Variants in LGR6 observed in about 807,000 individuals in gnomAD.
The protein encoded by LGR6 is leucine rich repeat containing G protein-coupled receptor 6, also known as leucine-rich repeat-containing G protein-coupled receptor 6.
Under a neutral mutation model 69.4 loss-of-function variants are expected in LGR6, and 45 were observed. The observed-to-expected ratio is 0.65, with a 90% CI of 0.51 to 0.83. The LOEUF is 0.83. LGR6 is among the 40% of genes least tolerant of loss of function. LGR6 has a pLI of 0.00. For missense variants in LGR6, 1,108 were observed against 1,246.7 expected (o/e 0.89, Z 1.68); for synonymous variants, 538 against 555.0 (o/e 0.97, Z 0.43).
intron 4 of LGR6, among the ~76,000 whole-genome samples, chr1:202,258,626 CTCTT>C (rs1663978148): frequency 2.0e-5 from 3 of 151,384 alleles, no homozygotes; most frequent in African/African-American, 7.3e-5. Context: ...TCATCATTGT[CTCTT>C]TTATTTATTG....
chr1:202,300,745 T>A (rs1667526540), intron 7 of LGR6, 104 bp from the exon 8 acceptor site: 1 of 700,820 alleles, frequency 1.4e-6, no homozygotes, highest in African/African-American at 1.8e-5. Flanking sequence ...TCTTTTGTCT[T>A]ATGGACTGTC....
In LGR6 at chr1:202,288,114, C is replaced by G. The variant is rs75198150; in HGVS notation, c.716+7262C>G. On this transcript the variant is annotated intron_variant, in intron 6 of 17. Transcript: ENST00000367278. ...CAATCTAGTCCAGGCACGATGGCCT[C>G]CTTGAATATACTACTTTTGTTCCTG... is the stretch of plus-strand genomic sequence containing the variant. Among the ~76,000 whole-genome samples the G allele has an allele frequency of 6.8e-3, 1,032 of 152,290 alleles. 10 individuals are homozygous for G. Among genetic ancestry groups the G allele is most frequent in the Non-Finnish European group, 8.8e-3 (598 of 68,026 alleles).
chr1:202,318,649 C>T lies in LGR6; in HGVS notation c.2346C>T (p.Asp782=), dbSNP rs764662006. The change falls in exon 18 of 18, where the codon GAC becomes GAT. Residue 782 remains aspartate, a synonymous_variant. Transcript: ENST00000367278. ...VRHVAWLIFA[D]GLLYCPVAFL... ...ACGTGGCCTGGCTCATCTTCGCAGA[C>T]GGGCTCCTCTACTGTCCCGTGGCCT... 8.7e-6 allele frequency: 14 copies of T among 1,613,666 alleles called. No homozygotes were observed. Among genetic ancestry groups the T allele is most frequent in the African/African-American group, 5.3e-5 (4 of 74,934 alleles).
chr1:202,237,826 G>A (rs773550002), intron 4 of LGR6, among the ~76,000 whole-genome samples: 1 of 152,182 alleles, frequency 6.6e-6, no homozygotes, highest in Non-Finnish European at 1.5e-5. Flanking sequence ...CTGTGTGACA[G>A]AAAATGTGGC....
Position 202,319,149 on chromosome 1 carries a change from G to C in LGR6, c.2846G>C (p.Gly949Ala), listed in dbSNP as rs2148332079. The C allele has an allele frequency of 6.2e-7, 1 of 1,613,924 alleles. No homozygotes were observed. Among genetic ancestry groups the C allele is most frequent in the Non-Finnish European group, 8.5e-7 (1 of 1,179,890 alleles). ...RAEGSTPAGG[G>A]LSGGGGFQPS... Reference sequence around the variant, plus strand: ...GAGGGATCTACGCCAGCAGGTGGAGGCTTGTCAGGGGGTGGCGGCTTTCAG... The same window carrying C: ...GAGGGATCTACGCCAGCAGGTGGAGCCTTGTCAGGGGGTGGCGGCTTTCAG... The change falls in exon 18 of 18, where the codon GGC becomes GCC. Residue 949 changes from glycine (G) to alanine (A), a missense_variant. Gly to Ala is a moderately conservative substitution (Grantham distance 60). Coordinates refer to ENST00000367278, the MANE Select transcript of LGR6 (RefSeq NM_001017403.2).
chr1:202,271,559 C>G (rs376773258), intron 4 of LGR6, among the ~76,000 whole-genome samples: 5 of 152,088 alleles, frequency 3.3e-5, no homozygotes, highest in African/African-American at 1.2e-4. Flanking sequence ...GTAATCCCAG[C>G]ACTTTGGGAG....
intron 7 of LGR6, among the ~76,000 whole-genome samples, chr1:202,299,745 A>C (rs1180082962): frequency 6.6e-6 from 1 of 152,162 alleles, no homozygotes; most frequent in East Asian, 1.9e-4. Flanking sequence ...TGAAGGTGGA[A>C]GTCACGATGG....
chr1:202,215,414 GGA>G (rs1659711455), intron 1 of LGR6, among the ~76,000 whole-genome samples: 2 of 152,134 alleles, frequency 1.3e-5, no homozygotes, highest in African/African-American at 2.4e-5. Context: ...TGATCTAATA[GGA>G]TATCTCAGTC....
At chr1:202,266,117 A>T (rs1005224000) in intron 4 of LGR6, among the ~76,000 whole-genome samples, 5 of 152,120 alleles carry the variant, frequency 3.3e-5, no homozygotes, top group Admixed American at 6.5e-5. Flanking sequence ...AAAAAAAAAA[A>T]AAAAATAACA....
chr1:202,256,675 C>T (rs1448196356), intron 4 of LGR6, among the ~76,000 whole-genome samples: 1 of 152,198 alleles, frequency 6.6e-6, no homozygotes, highest in African/African-American at 2.4e-5. Context: ...CTGCTAAAAA[C>T]ATTTGTGTGT....
chr1:202,319,371 A>T lies in LGR6; in HGVS notation c.*164A>T. On this transcript the variant is annotated 3_prime_UTR_variant, in exon 18 of 18. Coordinates refer to ENST00000367278, the MANE Select transcript of LGR6 (RefSeq NM_001017403.2). ...TGATCACCTCTCTCCTGTGACCATC[A>T]CCAACGGGTGCCTCTTGGCCTGGCT... 1.4e-6 allele frequency: 1 copy of T among 696,192 alleles called. No individual in the cohort carries two copies. The highest frequency in any genetic ancestry group is 2.2e-6 in the Non-Finnish European group (1 of 456,240). The allele number at this position is 696,192 out of a possible 1,614,324, so 43.1% of individuals were successfully genotyped here.
At position 202,319,598 on chromosome 1, in the gene LGR6, T is replaced by C. The variant is rs1335076143; in HGVS notation, c.*391T>C. The C allele has an allele frequency of 1.6e-5, 3 of 189,082 alleles. No homozygotes were observed. The highest frequency in any genetic ancestry group is 3.3e-5 in the Non-Finnish European group (3 of 91,076). The allele number at this position is 189,082 out of a possible 1,614,324, so 11.7% of individuals were successfully genotyped here. A position where few individuals can be genotyped will look rare whatever the true frequency, so the allele number is the denominator to read the frequency against. ...CCTGGAAGGTGATTTCCCGTGTGAC[T>C]CATGGATAGGATACAAAATGTGTTC... On this transcript the variant is annotated 3_prime_UTR_variant, in exon 18 of 18. Coordinates refer to ENST00000367278, the MANE Select transcript of LGR6 (RefSeq NM_001017403.2).
intron 6 of LGR6, among the ~76,000 whole-genome samples, chr1:202,285,566 G>A (rs769516638): frequency 3.9e-5 from 6 of 152,208 alleles, no homozygotes; most frequent in African/African-American, 9.7e-5. Flanking sequence ...ATGACTTCAC[G>A]TGATGCCTGG....
intron 4 of LGR6, among the ~76,000 whole-genome samples, chr1:202,254,996 C>T (rs912823934): frequency 2.0e-5 from 3 of 151,838 alleles, no homozygotes; most frequent in South Asian, 2.1e-4. Flanking sequence ...GAATTGGGGG[C>T]GCGGGGATGG....
chr1:202,303,405 CT>C, intron 10 of LGR6, 58 bp downstream of exon 10: 1 of 1,335,504 alleles, frequency 7.5e-7, no homozygotes, highest in Non-Finnish European at 1.1e-6. Context: ...CCCAAGAGCT[CT>C]TCCACTCCCT....
intron 4 of LGR6, among the ~76,000 whole-genome samples, chr1:202,238,412 CTTTTTTT>C (rs60376943): frequency 9.5e-5 from 8 of 83,982 alleles, no homozygotes; most frequent in Non-Finnish European, 1.1e-4. Context: ...CAGCCTGATC[CTTTTTTT>C]TTTTTTTTTT....
chr1:202,227,132 C>T (rs984393974), intron 2 of LGR6, among the ~76,000 whole-genome samples: 1 of 152,006 alleles, frequency 6.6e-6, no homozygotes, highest in Non-Finnish European at 1.5e-5. Context: ...TTTTTTTAAA[C>T]AATAAATGTC....
chr1:202,242,332 G>A (rs1056887953), intron 4 of LGR6, among the ~76,000 whole-genome samples: 1 of 152,108 alleles, frequency 6.6e-6, no homozygotes, highest in Non-Finnish European at 1.5e-5. Context: ...CTATCCTTTA[G>A]TACATCCCCT....
At chr1:202,215,277 A>G (rs1571822718) in intron 1 of LGR6, among the ~76,000 whole-genome samples, 1 of 152,126 alleles carries the variant, frequency 6.6e-6, no homozygotes, top group African/African-American at 2.4e-5. Context: ...CACCTCCCCA[A>G]TCCTTGTGCA....
Sources: gnomAD v4.1 joint callset for allele counts (sites outside exome capture counted in the v4.1 genomes callset) on GRCh38, gnomAD v4.1.1 for gene constraint, MANE v1.5 for transcripts, NCBI Gene and HGNC (gene_info 2026-07-23, HGNC 2026-07-21) for gene names.